The following PCDHGB1 variants were observed in gnomAD, a reference collection of about 807,000 sequenced individuals.
PCDHGB1 encodes the protein protocadherin gamma-B1.
PCDHGB1 carries 34 observed loss-of-function variants against 56.6 expected under a neutral mutation model. That is an observed-to-expected ratio of 0.60 (90% CI 0.46 to 0.80). The LOEUF is 0.80. Ranked by LOEUF, PCDHGB1 falls within the 30% of genes least tolerant of loss-of-function variation. The pLI, the probability that PCDHGB1 is intolerant of heterozygous loss-of-function variation, is 0.00. For missense variants in PCDHGB1, 1,278 were observed against 1,204.6 expected (o/e 1.06, Z -0.90); for synonymous variants, 561 against 505.9 (o/e 1.11, Z -1.46).
intron 1 of PCDHGB1, chr5:141,382,596 AATTTTCT>A (rs1778321594): frequency 3.9e-6 from 1 of 254,502 alleles, no homozygotes; most frequent in Non-Finnish European, 7.4e-6. Flanking sequence ...AAGATGAAAC[AATTTTCT>A]ATGAAATCAG....
intron 1 of PCDHGB1, among the ~76,000 whole-genome samples, chr5:141,461,886 C>T (rs944110458): frequency 3.3e-5 from 5 of 151,972 alleles, no homozygotes; most frequent in South Asian, 2.1e-4. Context: ...TGCAATGGCA[C>T]GATCTCGGCT....
chr5:141,492,042 A>T, intron 1 of PCDHGB1: 1 of 519,520 alleles, frequency 1.9e-6, no homozygotes, highest in Non-Finnish European at 3.4e-6. Context: ...GCAGTCACAG[A>T]TCCACCCCTG....
intron 1 of PCDHGB1, chr5:141,419,639 G>A (rs1478835703): frequency 6.2e-7 from 1 of 1,612,442 alleles, no homozygotes; most frequent in African/African-American, 1.3e-5. Flanking sequence ...GGTGGTGGCC[G>A]TGGACGCGGA....
intron 1 of PCDHGB1, chr5:141,415,520 C>T: frequency 6.2e-7 from 1 of 1,614,190 alleles, no homozygotes; most frequent in Non-Finnish European, 8.5e-7. Flanking sequence ...TATGCGGACA[C>T]GCTCATCAGC....
At chr5:141,398,857 C>A in intron 1 of PCDHGB1, 2 of 1,613,918 alleles carry the variant, frequency 1.2e-6, no homozygotes, top group Middle Eastern at 1.6e-4. Flanking sequence ...GGTATTCAAC[C>A]GAGACGTGTA....
intron 1 of PCDHGB1, chr5:141,357,816 T>G: frequency 2.8e-6 from 2 of 715,180 alleles, no homozygotes; most frequent in African/African-American, 1.8e-5. Flanking sequence ...TTATTACTTA[T>G]CCTTTTTGGT....
intron 1 of PCDHGB1, among the ~76,000 whole-genome samples, chr5:141,452,300 T>C (rs886540131): frequency 2.0e-5 from 3 of 152,194 alleles, no homozygotes; most frequent in African/African-American, 7.2e-5. Flanking sequence ...TAAGAAAATA[T>C]TAGAGACTCA....
chr5:141,410,036 A>G, intron 1 of PCDHGB1: 1 of 1,613,240 alleles, frequency 6.2e-7, no homozygotes, highest in Non-Finnish European at 8.5e-7. Flanking sequence ...GCTGCAGGCC[A>G]GTGAGCCCGG....
At chr5:141,380,721 T>C (rs1228432392) in intron 1 of PCDHGB1, among the ~76,000 whole-genome samples, 3 of 152,238 alleles carry the variant, frequency 2.0e-5, no homozygotes, top group Non-Finnish European at 4.4e-5. Flanking sequence ...TAACTAGCTC[T>C]TATTTCCTTT....
intron 1 of PCDHGB1, 108 bp downstream of exon 1, chr5:141,352,777 G>C (rs1046343321): frequency 3.4e-6 from 4 of 1,181,934 alleles, no homozygotes; most frequent in Admixed American, 4.5e-5. Context: ...ATCACTTGAG[G>C]TCAGGAGTTT....
chr5:141,364,231 C>T, intron 1 of PCDHGB1: 1 of 1,392,326 alleles, frequency 7.2e-7, no homozygotes, highest in Non-Finnish European at 9.6e-7. Flanking sequence ...CAACGCTCCA[C>T]GCCCATTTTC....
rs558513172 is a variant in PCDHGB1 at position 141,424,015 on chromosome 5, A to T, written c.2410-70792A>T. The T allele has an allele frequency of 3.0e-5, 32 of 1,060,896 alleles. No individual in the cohort carries two copies. The Admixed American group carries it at 3.2e-4, about 11-fold the overall frequency. The allele number at this position is 1,060,896 out of a possible 1,614,324, so 65.7% of individuals were successfully genotyped here. A position where few individuals can be genotyped will look rare whatever the true frequency, so the allele number is the denominator to read the frequency against. ...TATTATATATAGATACAAATTAATGATTCACAAACACTTTTTATTTCCATT... is the reference window on the plus strand; with the variant it reads ...TATTATATATAGATACAAATTAATGTTTCACAAACACTTTTTATTTCCATT... On this transcript the variant is annotated intron_variant, in intron 1 of 3. Transcript: ENST00000523390.
At chr5:141,474,847 GC>G (rs1357496937) in intron 1 of PCDHGB1, among the ~76,000 whole-genome samples, 1 of 152,198 alleles carries the variant, frequency 6.6e-6, no homozygotes, top group East Asian at 1.9e-4. Context: ...CACTTTACCT[GC>G]CTTCTTCATT....
chr5:141,384,913 T>C, intron 1 of PCDHGB1: 1 of 1,613,988 alleles, frequency 6.2e-7, no homozygotes, highest in Non-Finnish European at 8.5e-7. Context: ...CCCCGAAGTC[T>C]TGGCCGACCT....
intron 1 of PCDHGB1, chr5:141,393,825 G>C: frequency 6.2e-7 from 1 of 1,613,964 alleles, no homozygotes; most frequent in Non-Finnish European, 8.5e-7. Flanking sequence ...CATTTCGGTG[G>C]AAGATGTAAA....
intron 1 of PCDHGB1, chr5:141,365,446 T>C: frequency 6.2e-7 from 1 of 1,614,030 alleles, no homozygotes; most frequent in Non-Finnish European, 8.5e-7. Flanking sequence ...TTAGCGTACA[T>C]GATGGTGATT....
chr5:141,382,928 A>G (rs746763440), intron 1 of PCDHGB1: 9 of 1,582,188 alleles, frequency 5.7e-6, no homozygotes, highest in South Asian at 3.4e-5. Flanking sequence ...GGCGGGGACT[A>G]CAGAGGATTC....
chr5:141,503,222 G>T (rs540244346), intron 2 of PCDHGB1, among the ~76,000 whole-genome samples: 1 of 152,120 alleles, frequency 6.6e-6, no homozygotes, highest in East Asian at 1.9e-4. Context: ...CATGAGCACC[G>T]TAAAGATGGA....
chr5:141,487,348 C>T lies in PCDHGB1; in HGVS notation c.2410-7459C>T, dbSNP rs929693998. ...GTGGGGCAGCCTGTGGAGTCACATG[C>T]TTTCCTGCTGGCACCTGTGCCTGTC... On this transcript the variant is annotated intron_variant, in intron 1 of 3. Coordinates refer to ENST00000523390, the MANE Select transcript of PCDHGB1 (RefSeq NM_018922.3). The surrounding 1 kb of genome is among the most constrained non-coding windows in gnomAD (Gnocchi z 5.0). The T allele has an allele frequency of 2.5e-6, 4 of 1,614,080 alleles. No homozygotes were observed. The highest frequency in any genetic ancestry group is 2.2e-5 in the East Asian group (1 of 44,882).
Sources: allele counts gnomAD v4.1 joint callset (sites outside exome capture counted in the v4.1 genomes callset), GRCh38; gene constraint gnomAD v4.1.1; non-coding constraint Gnocchi (gnomAD v3.1); transcripts MANE v1.5; gene names NCBI Gene and HGNC (gene_info 2026-07-23, HGNC 2026-07-21).